Variants in OTUD3 observed in about 807,000 individuals in gnomAD.
OTUD3 encodes OTU domain-containing protein 3.
A neutral mutation model predicts 46.2 loss-of-function variants in OTUD3; 24 were observed. The ratio of observed to expected loss-of-function variants is 0.52; its 90% CI spans 0.38 to 0.73. OTUD3 has a LOEUF of 0.73. Ranked by LOEUF, OTUD3 falls within the 30% of genes least tolerant of loss-of-function variation. The pLI is 0.00. For synonymous variants in OTUD3, 189 were observed against 195.4 expected, an observed-to-expected ratio of 0.97 and a Z score of 0.27; for missense variants, 455 against 523.3, an observed-to-expected ratio of 0.87 and a Z score of 1.27.
chr1:19,890,308 C>A, intron 1 of OTUD3, 77 bp from the exon 2 acceptor site: 3 of 1,364,100 alleles, frequency 2.2e-6, no homozygotes, highest in Non-Finnish European at 3.1e-6. Flanking sequence ...CATGGATGAT[C>A]TGGCATGAAG....
At chr1:19,901,016 TCTC>T (rs2045581915) in intron 4 of OTUD3, among the ~76,000 whole-genome samples, 1 of 151,220 alleles carries the variant, frequency 6.6e-6, no homozygotes, top group African/African-American at 2.4e-5. Flanking sequence ...TTCAAGCGAT[TCTC>T]CTGCCTCAGC....
At chr1:19,898,771 T>C (rs1374767850) in intron 4 of OTUD3, among the ~76,000 whole-genome samples, 1 of 152,142 alleles carries the variant, frequency 6.6e-6, no homozygotes, top group Non-Finnish European at 1.5e-5. Flanking sequence ...AACCTTTTTT[T>C]CCTGTTTTTA....
chr1:19,906,084 C>T (rs2045657851), intron 6 of OTUD3, among the ~76,000 whole-genome samples: 1 of 152,222 alleles, frequency 6.6e-6, no homozygotes, highest in Non-Finnish European at 1.5e-5. Context: ...GTGGCTAATA[C>T]ATTGGACAGC....
intron 1 of OTUD3, among the ~76,000 whole-genome samples, chr1:19,889,407 A>G (rs1288914140): frequency 6.6e-6 from 1 of 152,084 alleles, no homozygotes; most frequent in South Asian, 2.1e-4. Context: ...TTTCCTACAC[A>G]TTTAGACATG....
At chr1:19,893,789 G>A (rs1490405341) in intron 2 of OTUD3, among the ~76,000 whole-genome samples, 2 of 152,216 alleles carry the variant, frequency 1.3e-5, no homozygotes, top group Admixed American at 1.3e-4. Context: ...AAGTACTTGT[G>A]CATCATTAGT....
chr1:19,893,215 A>T (rs964499387), intron 2 of OTUD3, among the ~76,000 whole-genome samples: 1 of 152,198 alleles, frequency 6.6e-6, no homozygotes, highest in African/African-American at 2.4e-5. Context: ...CAGTCCTTGC[A>T]TGACTTCCCT....
At chr1:19,903,170 C>T (rs1012408896) in intron 4 of OTUD3, among the ~76,000 whole-genome samples, 1 of 151,426 alleles carries the variant, frequency 6.6e-6, no homozygotes, top group Non-Finnish European at 1.5e-5. Context: ...AGCTCAGCCT[C>T]CTGAATAGCT....
At position 19,897,517 on chromosome 1, in the gene OTUD3, A is replaced by G. The variant is rs748791324; in HGVS notation, c.484-23A>G. 5.0e-6 allele frequency: 8 copies of G among 1,613,084 alleles called. No individual in the cohort carries two copies. The South Asian group carries it at 5.5e-5, about 11-fold the overall frequency. ...TGATAGTGTTCAGATCCTCACTGGC[A>G]TGGCCCCTTCTTTTGTCTACAGATT... On this transcript the variant is annotated intron_variant, in intron 3 of 7. Coordinates refer to ENST00000375120, the MANE Select transcript of OTUD3 (RefSeq NM_015207.2).
In OTUD3 at chr1:19,882,455, C is replaced by G; in HGVS notation, c.-59C>G. On this transcript the variant is annotated 5_prime_UTR_variant, in exon 1 of 8. Coordinates refer to ENST00000375120, the MANE Select transcript of OTUD3 (RefSeq NM_015207.2). ...TGTTTTACCTTCCCAACGCTTGAGG[C>G]GGACGCTGGGGGGTCCTGCGCCTTT... 1 of 1,321,436 alleles carries G rather than the reference C, an allele frequency of 7.6e-7. No individual in the cohort carries two copies. The highest frequency in any genetic ancestry group is 2.1e-5 in the South Asian group (1 of 46,950). The allele number at this position is 1,321,436 out of a possible 1,614,324, so 81.9% of individuals were successfully genotyped here. A position where few individuals can be genotyped will look rare whatever the true frequency, so the allele number is the denominator to read the frequency against.
chr1:19,882,847 T>G (rs973557996), intron 1 of OTUD3, 113 bp downstream of exon 1: 5 of 976,140 alleles, frequency 5.1e-6, no homozygotes, highest in Non-Finnish European at 5.4e-6. Context: ...CCCGGGCGCC[T>G]CCCGCGAGCC....
intron 4 of OTUD3, among the ~76,000 whole-genome samples, chr1:19,903,040 C>CTTTTTTTTT (rs36114504): frequency 5.2e-5 from 3 of 58,050 alleles, no homozygotes; most frequent in Non-Finnish European, 9.3e-5. Flanking sequence ...AATCTTTTCT[C>CTTTTTTTTT]TTTTTTTTTT....
At chr1:19,905,521 T>C (rs1355111957) in intron 6 of OTUD3, among the ~76,000 whole-genome samples, 2 of 151,996 alleles carry the variant, frequency 1.3e-5, no homozygotes, top group Non-Finnish European at 2.9e-5. Context: ...GGCAGGTGGA[T>C]CACGAGGTCA....
At chr1:19,884,638 A>G (rs2045329800) in intron 1 of OTUD3, among the ~76,000 whole-genome samples, 1 of 152,226 alleles carries the variant, frequency 6.6e-6, no homozygotes, top group African/African-American at 2.4e-5. Flanking sequence ...GTTAAAACAC[A>G]AGAATACACA....
At chr1:19,896,783 G>T (rs900962456) in intron 3 of OTUD3, among the ~76,000 whole-genome samples, 1 of 152,152 alleles carries the variant, frequency 6.6e-6, no homozygotes, top group Non-Finnish European at 1.5e-5. Context: ...TTTGGGGTAC[G>T]CCCAGACCTT....
At chr1:19,894,556 C>A in intron 3 of OTUD3, 76 bp downstream of exon 3, 1 of 877,662 alleles carries the variant, frequency 1.1e-6, no homozygotes, top group Non-Finnish European at 1.8e-6. Context: ...AGATGAGGGG[C>A]TTGACCTGTG....
intron 4 of OTUD3, among the ~76,000 whole-genome samples, chr1:19,903,073 G>A (rs1571180645): frequency 7.4e-6 from 1 of 134,276 alleles, no homozygotes; most frequent in East Asian, 2.1e-4. Flanking sequence ...TTTGAGACAA[G>A]GTCTAGCTCT....
intron 2 of OTUD3, among the ~76,000 whole-genome samples, chr1:19,894,041 C>T (rs1464242474): frequency 6.6e-6 from 1 of 152,214 alleles, no homozygotes; most frequent in Non-Finnish European, 1.5e-5. Flanking sequence ...CACATAACAA[C>T]CATTCACTAA....
intron 6 of OTUD3, among the ~76,000 whole-genome samples, chr1:19,905,771 T>C (rs1198518134): frequency 2.0e-5 from 3 of 152,156 alleles, no homozygotes; most frequent in African/African-American, 7.2e-5. Flanking sequence ...TAACATCTTA[T>C]TAATTTCTCA....
intron 1 of OTUD3, among the ~76,000 whole-genome samples, chr1:19,889,802 CTGTT>C (rs1281735968): frequency 9.2e-5 from 14 of 152,204 alleles, no homozygotes; most frequent in Admixed American, 4.6e-4. Context: ...CATAGTACAA[CTGTT>C]TGTTGTCCAA....
Sources: gnomAD v4.1 joint callset for allele counts (sites outside exome capture counted in the v4.1 genomes callset) on GRCh38, gnomAD v4.1.1 for gene constraint, MANE v1.5 for transcripts, NCBI Gene and HGNC (gene_info 2026-07-23, HGNC 2026-07-21) for gene names.